The following SULT1C3 variants were observed in gnomAD, a reference collection of about 807,000 sequenced individuals.
SULT1C3 encodes sulfotransferase family 1C member 3.
Under a neutral mutation model 28.4 loss-of-function variants are expected in SULT1C3, and 31 were observed. That is an observed-to-expected ratio of 1.09 (90% CI 0.82 to 1.47). The LOEUF (loss-of-function observed/expected upper bound fraction) is 1.47. SULT1C3 is among the 40% of genes most tolerant of loss of function. The pLI is 0.00. For synonymous variants in SULT1C3, 106 were observed against 92.2 expected, an observed-to-expected ratio of 1.15 and a Z score of -0.86; for missense variants, 307 against 272.5, an observed-to-expected ratio of 1.13 and a Z score of -0.89.
intron 4 of SULT1C3, 40 bp downstream of exon 4, chr2:108,253,482 G>T: frequency 9.3e-7 from 1 of 1,079,606 alleles, no homozygotes; most frequent in Non-Finnish European, 1.3e-6. Context: ...TTAGCTTGGT[G>T]ATATAAACTA....
At chr2:108,247,162 A>G in intron 1 of SULT1C3, 26 bp from the exon 2 acceptor site, 1 of 1,405,036 alleles carries the variant, frequency 7.1e-7, no homozygotes, top group Non-Finnish European at 9.3e-7. Context: ...AAAAATTTTA[A>G]TTAGTATTGA....
intron 5 of SULT1C3, among the ~76,000 whole-genome samples, chr2:108,257,114 T>C (rs768550769): frequency 6.6e-5 from 10 of 152,040 alleles, no homozygotes; most frequent in Non-Finnish European, 1.5e-4. Context: ...GTGTCAATTG[T>C]GTAGTTGTGA....
chr2:108,255,465 C>T, intron 4 of SULT1C3, 107 bp from the exon 5 acceptor site: 1 of 1,307,040 alleles, frequency 7.7e-7, no homozygotes, highest in Non-Finnish European at 1.1e-6. Flanking sequence ...GTATCTAATG[C>T]TATAAACTTA....
downstream of SULT1C3, among the ~76,000 whole-genome samples, chr2:108,263,079 A>G (rs1313761766): frequency 6.6e-6 from 1 of 152,162 alleles, no homozygotes; most frequent in Non-Finnish European, 1.5e-5. Flanking sequence ...CTTAATTTAA[A>G]TGGGTCTCCA....
At chr2:108,253,482 G>A in intron 4 of SULT1C3, 40 bp downstream of exon 4, 1 of 1,079,606 alleles carries the variant, frequency 9.3e-7, no homozygotes, top group Non-Finnish European at 1.3e-6. Context: ...TTAGCTTGGT[G>A]ATATAAACTA....
chr2:108,254,102 C>G, intron 4 of SULT1C3, among the ~76,000 whole-genome samples: 1 of 151,984 alleles, frequency 6.6e-6, no homozygotes, highest in East Asian at 1.9e-4. Context: ...AAAACACAAT[C>G]TGACTGAGGT....
chr2:108,255,736 G>C, intron 5 of SULT1C3, 38 bp downstream of exon 5: 1 of 1,596,676 alleles, frequency 6.3e-7, no homozygotes, highest in Non-Finnish European at 8.5e-7. Flanking sequence ...CCTCTTTCAG[G>C]TGACTCTAAC....
At chr2:108,265,028 G>A (rs764047676), downstream of SULT1C3, 1 of 1,586,640 alleles carries the variant, frequency 6.3e-7, no homozygotes, top group Admixed American at 1.8e-5. Context: ...TGTAGTCTAA[G>A]ATGTCAAATG....
At chr2:108,253,781 AG>A in intron 4 of SULT1C3, among the ~76,000 whole-genome samples, 1 of 152,186 alleles carries the variant, frequency 6.6e-6, no homozygotes, top group East Asian at 1.9e-4. Flanking sequence ...GCTCTGCCAA[AG>A]TACTAGAAGA....
At chr2:108,253,998 C>G (rs1389773797) in intron 4 of SULT1C3, among the ~76,000 whole-genome samples, 1 of 151,988 alleles carries the variant, frequency 6.6e-6, no homozygotes, top group Non-Finnish European at 1.5e-5. Context: ...CTGTACCCAA[C>G]TCAGCTCACT....
chr2:108,249,752 T>C (rs1164508630), intron 2 of SULT1C3, among the ~76,000 whole-genome samples: 2 of 152,084 alleles, frequency 1.3e-5, no homozygotes, highest in African/African-American at 4.8e-5. Flanking sequence ...AAGATTTCTA[T>C]GAAAATGTCA....
downstream of SULT1C3, chr2:108,265,102 T>C (rs963244611): frequency 2.7e-6 from 4 of 1,477,526 alleles, no homozygotes; most frequent in East Asian, 6.8e-5. Context: ...CATTATTTAT[T>C]CTTTCCAGCA....
intron 7 of SULT1C3, among the ~76,000 whole-genome samples, chr2:108,259,911 T>G (rs1675978576): frequency 1.3e-5 from 2 of 152,104 alleles, no homozygotes; most frequent in Admixed American, 1.3e-4. Flanking sequence ...GTGACCCCAT[T>G]CCAGAACATT....
chr2:108,257,160 GAT>G (rs1227943337), intron 5 of SULT1C3, among the ~76,000 whole-genome samples: 1 of 151,922 alleles, frequency 6.6e-6, no homozygotes, highest in Non-Finnish European at 1.5e-5. Flanking sequence ...AAGAAAAGGA[GAT>G]AATGTTAAAT....
chr2:108,260,298 C>A (rs963737991), intron 7 of SULT1C3, among the ~76,000 whole-genome samples: 9 of 152,050 alleles, frequency 5.9e-5, no homozygotes, highest in Admixed American at 1.3e-4. Flanking sequence ...CAGGAGTGTA[C>A]CCTGGAGCAG....
At chr2:108,261,164 T>C (rs914769850), downstream of SULT1C3, among the ~76,000 whole-genome samples, 1 of 152,174 alleles carries the variant, frequency 6.6e-6, no homozygotes, top group East Asian at 1.9e-4. Context: ...ATTTCTGTAA[T>C]AGAATGATAT....
intron 5 of SULT1C3, among the ~76,000 whole-genome samples, chr2:108,257,265 T>G (rs1418254565): frequency 1.3e-5 from 2 of 152,010 alleles, no homozygotes; most frequent in Non-Finnish European, 2.9e-5. Flanking sequence ...GCCTCAAGGC[T>G]GTTATATCAA....
intron 1 of SULT1C3, among the ~76,000 whole-genome samples, chr2:108,245,346 G>T (rs1184038492): frequency 6.6e-6 from 1 of 152,012 alleles, no homozygotes; most frequent in Non-Finnish European, 1.5e-5. Flanking sequence ...TCACATAATT[G>T]GGCAAGGCCC....
intron 1 of SULT1C3, among the ~76,000 whole-genome samples, chr2:108,246,348 A>G (rs1675575480): frequency 6.6e-6 from 1 of 152,216 alleles, no homozygotes. Flanking sequence ...TAATAAAGAC[A>G]TACCTGAGAC....
Sources: gnomAD v4.1 joint callset for allele counts (sites outside exome capture counted in the v4.1 genomes callset) on GRCh38, gnomAD v4.1.1 for gene constraint, MANE v1.5 for transcripts, NCBI Gene and HGNC (gene_info 2026-07-23, HGNC 2026-07-21) for gene names.